The following GPHN variants were observed in gnomAD, a reference collection of about 807,000 sequenced individuals.
GPHN encodes the protein gephyrin.
In GPHN, 17 loss-of-function variants were observed where a neutral mutation model predicts 95.5. That is an observed-to-expected ratio of 0.18 (90% CI 0.12 to 0.27). GPHN has a LOEUF of 0.27. Among genes scored for constraint, GPHN ranks in the 10% least tolerant of loss-of-function variants. The pLI is 1.00. For missense variants in GPHN, 660 were observed against 978.1 expected, an observed-to-expected ratio of 0.67 and a Z score of 4.34; for synonymous variants, 320 against 322.5, an observed-to-expected ratio of 0.99 and a Z score of 0.08.
chr14:66,972,676 C>A (rs2069893764), intron 9 of GPHN, among the ~76,000 whole-genome samples: 1 of 151,312 alleles, frequency 6.6e-6, no homozygotes, highest in South Asian at 2.1e-4. Context: ...TTTAATTTAA[C>A]TAATATTAAA....
chr14:67,507,967 T>C, the GPHN span, among the ~76,000 whole-genome samples: 1 of 152,030 alleles, frequency 6.6e-6, no homozygotes, highest in Non-Finnish European at 1.5e-5. Context: ...GGAGAAACCC[T>C]GTCTCTACTA....
At chr14:67,254,559 T>G in the GPHN span, among the ~76,000 whole-genome samples, 1 of 152,318 alleles carries the variant, frequency 6.6e-6, no homozygotes, top group East Asian at 1.9e-4. Flanking sequence ...CAGATTTTTC[T>G]TTTTTCCTTT....
chr14:66,669,551 A>G (rs994009964), intron 1 of GPHN, among the ~76,000 whole-genome samples: 7 of 151,458 alleles, frequency 4.6e-5, no homozygotes, highest in Non-Finnish European at 8.8e-5. Flanking sequence ...TGACACTCAG[A>G]TGATATTAAC....
chr14:67,085,652 C>A (rs1342615450), intron 11 of GPHN, among the ~76,000 whole-genome samples: 1 of 152,144 alleles, frequency 6.6e-6, no homozygotes, highest in African/African-American at 2.4e-5. Flanking sequence ...ATTCTTATGG[C>A]AAACAGATTT....
At chr14:67,250,038 T>G in the GPHN span, among the ~76,000 whole-genome samples, 1 of 152,220 alleles carries the variant, frequency 6.6e-6, no homozygotes, top group Non-Finnish European at 1.5e-5. Context: ...TGTTCTATTT[T>G]GTTTTTTATG....
chr14:66,566,755 A>G (rs1566616135), intron 1 of GPHN, among the ~76,000 whole-genome samples: 1 of 152,184 alleles, frequency 6.6e-6, no homozygotes, highest in Non-Finnish European at 1.5e-5. Context: ...AATATTTTGC[A>G]GAATAGAGCA....
the GPHN span, among the ~76,000 whole-genome samples, chr14:67,250,580 T>C: frequency 1.3e-5 from 2 of 152,188 alleles, no homozygotes; most frequent in African/African-American, 4.8e-5. Context: ...ATCTGGGCCC[T>C]TCCTCTGAAA....
intron 3 of GPHN, among the ~76,000 whole-genome samples, chr14:66,781,819 G>T (rs553622401): frequency 1.3e-5 from 2 of 152,120 alleles, no homozygotes; most frequent in Non-Finnish European, 2.9e-5. Flanking sequence ...ATTATGAAAA[G>T]TGATGCTATA....
At chr14:66,794,907 T>A (rs935160964) in intron 3 of GPHN, among the ~76,000 whole-genome samples, 6 of 152,320 alleles carry the variant, frequency 3.9e-5, no homozygotes, top group African/African-American at 1.2e-4. Context: ...CCACTTTTTA[T>A]GTGGATTTGT....
At chr14:67,247,116 A>C in the GPHN span, among the ~76,000 whole-genome samples, 1 of 152,210 alleles carries the variant, frequency 6.6e-6, no homozygotes, top group African/African-American at 2.4e-5. Flanking sequence ...GATTGTGTCT[A>C]ATTTAGAGAT....
chr14:66,773,145 G>A (rs2059244423), intron 2 of GPHN, among the ~76,000 whole-genome samples: 1 of 152,176 alleles, frequency 6.6e-6, no homozygotes, highest in African/African-American at 2.4e-5. Flanking sequence ...CCTACTTTGG[G>A]AAGTGCAATC....
At chr14:67,590,403 C>T in the GPHN span, among the ~76,000 whole-genome samples, 1 of 152,166 alleles carries the variant, frequency 6.6e-6, no homozygotes, top group Non-Finnish European at 1.5e-5. Context: ...CAGGTGCTCG[C>T]CACCACGCCC....
intron 4 of GPHN, among the ~76,000 whole-genome samples, chr14:66,844,095 A>C (rs2062211993): frequency 6.6e-6 from 1 of 152,080 alleles, no homozygotes; most frequent in African/African-American, 2.4e-5. Context: ...AATTCTTTGT[A>C]GTTTAGATTA....
At chr14:66,593,664 G>T (rs2061853381) in intron 1 of GPHN, among the ~76,000 whole-genome samples, 2 of 152,182 alleles carry the variant, frequency 1.3e-5, no homozygotes, top group South Asian at 4.1e-4. Context: ...TCATATCAAA[G>T]ATTTACCTCT....
At chr14:67,098,076 T>C (rs2077489577) in intron 12 of GPHN, among the ~76,000 whole-genome samples, 1 of 152,108 alleles carries the variant, frequency 6.6e-6, no homozygotes, top group African/African-American at 2.4e-5. Context: ...CACACCATCA[T>C]GGCACATGTA....
At chr14:66,721,072 A>G (rs1342455506) in intron 2 of GPHN, among the ~76,000 whole-genome samples, 1 of 152,182 alleles carries the variant, frequency 6.6e-6, no homozygotes, top group Non-Finnish European at 1.5e-5. Flanking sequence ...TGGCTTGGCA[A>G]TTTTATGAGC....
chr14:67,302,594 A>G, the GPHN span: 1 of 1,434,200 alleles, frequency 7.0e-7, no homozygotes, highest in Non-Finnish European at 9.2e-7. Context: ...AGCTAGAAGA[A>G]TAATTGATAG....
chr14:67,633,424 C>A, the GPHN span, among the ~76,000 whole-genome samples: 2 of 152,172 alleles, frequency 1.3e-5, no homozygotes, highest in East Asian at 3.8e-4. Context: ...CAGCCATTGA[C>A]GATTGCCTAG....
the GPHN span, among the ~76,000 whole-genome samples, chr14:67,657,625 C>A: frequency 2.9e-5 from 4 of 136,836 alleles, no homozygotes; most frequent in Non-Finnish European, 6.1e-5. Context: ...CACACACACC[C>A]AAAATCAAAA....
Sources: gnomAD v4.1 joint callset for allele counts (sites outside exome capture counted in the v4.1 genomes callset) on GRCh38, gnomAD v4.1.1 for gene constraint, MANE v1.5 for transcripts, NCBI Gene and HGNC (gene_info 2026-07-23, HGNC 2026-07-21) for gene names.